The following ONECUT1 variants were observed in gnomAD, a reference collection of about 807,000 sequenced individuals.
ONECUT1 encodes the protein one cut homeobox 1, also known as hepatocyte nuclear factor 6.
In ONECUT1, 12 loss-of-function variants were observed where a neutral mutation model predicts 25.6. The ratio of observed to expected loss-of-function variants is 0.47; its 90% confidence interval spans 0.30 to 0.76. The LOEUF is 0.76. Ranked by LOEUF, ONECUT1 falls within the 30% of genes least tolerant of loss-of-function variation. The probability of loss-of-function intolerance (pLI) is 0.07; values close to 1 mark genes in which losing one functional copy is unlikely to be tolerated. For synonymous variants in ONECUT1, 285 were observed against 270.2 expected, an observed-to-expected ratio of 1.05 and a Z score of -0.54; for missense variants, 620 against 651.2, an observed-to-expected ratio of 0.95 and a Z score of 0.52.
intron 1 of ONECUT1, among the ~76,000 whole-genome samples, chr15:52,782,118 G>C (rs1343591895): frequency 6.6e-6 from 1 of 152,150 alleles, no homozygotes; most frequent in Non-Finnish European, 1.5e-5. Flanking sequence ...CATGTGCCGT[G>C]GTGGTTTGCT....
chr15:52,787,377 T>C (rs1475011011), intron 1 of ONECUT1, among the ~76,000 whole-genome samples: 2 of 151,964 alleles, frequency 1.3e-5, no homozygotes, highest in African/African-American at 4.8e-5. Flanking sequence ...AATCGCAGGC[T>C]GGTCGGCACC....
intron 1 of ONECUT1, among the ~76,000 whole-genome samples, chr15:52,787,395 C>A (rs1471294526): frequency 6.6e-6 from 1 of 152,092 alleles, no homozygotes; most frequent in African/African-American, 2.4e-5. Context: ...ACCTGCCACC[C>A]CCAGCTTCTC....
chr15:52,781,739 C>A (rs1033454383), intron 1 of ONECUT1, among the ~76,000 whole-genome samples: 2 of 152,220 alleles, frequency 1.3e-5, no homozygotes, highest in East Asian at 3.8e-4. Flanking sequence ...GCCCATGTCA[C>A]GTCCTGTACC....
rs542471164 is a variant in ONECUT1 at position 52,788,472 on chromosome 15, G to A, written c.1105+308C>T. 5.4e-6 allele frequency: 2 copies of A among 368,904 alleles called. No individual in the cohort carries two copies. The highest frequency in any genetic ancestry group is 4.0e-5 in the African/African-American group (2 of 49,970). The allele number at this position is 368,904 out of a possible 1,614,324, so 22.9% of individuals were successfully genotyped here. ...CGCAGAGTGTCTCACCAGGTGCGGGGATTTCTCTCCGCCTCAGGCCGTACG... is the reference window on the plus strand; with the variant it reads ...CGCAGAGTGTCTCACCAGGTGCGGGAATTTCTCTCCGCCTCAGGCCGTACG... On this transcript the variant is annotated intron_variant, in intron 1 of 1. Coordinates refer to ENST00000305901, the MANE Select transcript of ONECUT1 (RefSeq NM_004498.4). The surrounding 1 kb of genome is among the most constrained non-coding windows in gnomAD (Gnocchi z 4.3).
chr15:52,788,411 C>A lies in ONECUT1; in HGVS notation c.1105+369G>T. The stretch of plus-strand genomic sequence containing the variant: ...GCGATTCCACGCACGCGTTGCATCC[C>A]TCTTCCCAAACCCGGATCGCTGAAC... On this transcript the variant is annotated intron_variant, in intron 1 of 1. Coordinates refer to ENST00000305901, the MANE Select transcript of ONECUT1 (RefSeq NM_004498.4). The surrounding 1 kb of genome is among the most constrained non-coding windows in gnomAD (Gnocchi z 4.3). The A allele has an allele frequency of 4.5e-6, 1 of 223,494 alleles. No homozygotes were observed. The allele number at this position is 223,494 out of a possible 1,614,324, so 13.8% of individuals were successfully genotyped here. A position where few individuals can be genotyped will look rare whatever the true frequency, so the allele number is the denominator to read the frequency against.
At position 52,788,030 on chromosome 15, in the gene ONECUT1, A is replaced by T. The variant is rs2083888302; in HGVS notation, c.1105+750T>A. The T allele has an allele frequency of 6.6e-6, 1 of 152,166 alleles. No homozygotes were observed. The highest frequency in any genetic ancestry group is 2.1e-4 in the South Asian group (1 of 4,824). The allele number at this position is 152,166 out of a possible 1,614,324, so 9.4% of individuals were successfully genotyped here. A position where few individuals can be genotyped will look rare whatever the true frequency, so the allele number is the denominator to read the frequency against. ...CGAAAATCGCGAAGAGGAATAATAAAACAAAATGCAAAGTCCTCAGGGAGT... is the reference window on the plus strand; with the variant it reads ...CGAAAATCGCGAAGAGGAATAATAATACAAAATGCAAAGTCCTCAGGGAGT... On this transcript the variant is annotated intron_variant, in intron 1 of 1. Transcript: ENST00000305901. The surrounding 1 kb of genome is among the most constrained non-coding windows in gnomAD (Gnocchi z 4.3).
Position 52,789,819 on chromosome 15 carries a change from G to A in ONECUT1, c.66C>T (p.Pro22=). Residue 22 remains proline (P), a synonymous_variant, in exon 1 of 2, where the codon CCC becomes CCT. Transcript: ENST00000305901. The surrounding 1 kb of genome is among the most constrained non-coding windows in gnomAD (Gnocchi z 4.1). The stretch of plus-strand genomic sequence containing the variant: ...TGCCGCCCAGCAGGTCGGCAGGGGC[G>A]GGCACCGGCTCATGGCTCACCCCGT... The part of the protein sequence containing the change: ...ELHGVSHEPV[P]APADLLGGSP... 2.6e-6 allele frequency: 4 copies of A among 1,527,918 alleles called. No individual in the cohort carries two copies. Among genetic ancestry groups the A allele is most frequent in the East Asian group, 2.7e-5 (1 of 37,138 alleles). 94.6% of individuals were successfully genotyped at this position (1,527,918 alleles called of 1,614,324 possible). A position where few individuals can be genotyped will look rare whatever the true frequency, so the allele number is the denominator to read the frequency against.
intron 1 of ONECUT1, among the ~76,000 whole-genome samples, chr15:52,777,737 C>CACACACAAAAAA (rs57187579): frequency 3.5e-4 from 36 of 103,450 alleles, no homozygotes; most frequent in African/African-American, 1.2e-3. Flanking sequence ...CACACACACA[C>CACACACAAAAAA]AAAAAAACAT....
rs2083671007 is a variant in ONECUT1, at chr15:52,755,739, G to C, written c.*1816C>G. 6.6e-6 allele frequency among the ~76,000 whole-genome samples: 1 copy of C among 152,156 alleles called. No homozygotes were observed. Among genetic ancestry groups the C allele is most frequent in the Non-Finnish European group, 1.5e-5 (1 of 68,034 alleles). On this transcript the variant is annotated 3_prime_UTR_variant, in exon 2 of 2. Coordinates refer to ENST00000305901, the MANE Select transcript of ONECUT1 (RefSeq NM_004498.4). ...ACATTTAATTTCATAGTTCTAAGTA[G>C]GGGTGGTAATTAACTTACAGTATCC...
intron 1 of ONECUT1, among the ~76,000 whole-genome samples, chr15:52,779,120 G>C (rs192911665): frequency 6.6e-6 from 1 of 151,710 alleles, no homozygotes; most frequent in East Asian, 1.9e-4. Flanking sequence ...GAGTCTCGCT[G>C]TCGCCCAGGC....
At chr15:52,762,066 T>G (rs1036450361) in intron 1 of ONECUT1, among the ~76,000 whole-genome samples, 4 of 152,144 alleles carry the variant, frequency 2.6e-5, no homozygotes, top group African/African-American at 9.7e-5. Flanking sequence ...CACAGAACAC[T>G]CACTCATGGG....
chr15:52,769,203 T>G (rs2083751936), intron 1 of ONECUT1, among the ~76,000 whole-genome samples: 1 of 152,214 alleles, frequency 6.6e-6, no homozygotes, highest in Non-Finnish European at 1.5e-5. Context: ...TTGTCTTTTG[T>G]GCCCACAGAG....
rs1555416123 is a variant in ONECUT1, at chr15:52,777,738, A to ACACAC, written c.1105+11041_1105+11042insGTGTG. Among the ~76,000 whole-genome samples, 341 of 96,996 alleles carry ACACAC rather than the reference A, an allele frequency of 3.5e-3. 4 individuals carry two copies. Among genetic ancestry groups the ACACAC allele is most frequent in the African/African-American group, 0.019 (261 of 13,400 alleles). The allele number at this position is 96,996 out of a possible 152,430, so 63.6% of individuals were successfully genotyped here. On this transcript the variant is annotated intron_variant, in intron 1 of 1. Coordinates refer to ENST00000305901, the MANE Select transcript of ONECUT1 (RefSeq NM_004498.4). ...CACACACACACACACACACACACAC[A>ACACAC]AAAAAACATGTAAAGTTATTTGTTC... is the stretch of plus-strand genomic sequence containing the variant.
chr15:52,775,081 T>C (rs1432264129), intron 1 of ONECUT1, among the ~76,000 whole-genome samples: 1 of 151,786 alleles, frequency 6.6e-6, no homozygotes, highest in Non-Finnish European at 1.5e-5. Context: ...TCCCAGCTAC[T>C]CGGGAGGCTG....
chr15:52,776,485 A>T (rs16965167), intron 1 of ONECUT1, among the ~76,000 whole-genome samples: 1,814 of 152,172 alleles, frequency 0.012, 33 homozygotes, highest in African/African-American at 0.042. Flanking sequence ...ATCTATTGCC[A>T]CTTCTAGCTA....
chr15:52,786,505 GC>G (rs2083875704), intron 1 of ONECUT1, among the ~76,000 whole-genome samples: 1 of 152,258 alleles, frequency 6.6e-6, no homozygotes, highest in African/African-American at 2.4e-5. Flanking sequence ...TGGGCCTAGG[GC>G]CGAGGGCTGC....
intron 1 of ONECUT1, among the ~76,000 whole-genome samples, chr15:52,768,101 A>G (rs1446464420): frequency 6.6e-6 from 1 of 152,114 alleles, no homozygotes; most frequent in Non-Finnish European, 1.5e-5. Context: ...AATTAGATAG[A>G]ATGCATAAGA....
chr15:52,767,614 GAAGA>G (rs1443877140), intron 1 of ONECUT1, among the ~76,000 whole-genome samples: 2 of 152,326 alleles, frequency 1.3e-5, no homozygotes, highest in African/African-American at 4.8e-5. Context: ...GAACTGGTGG[GAAGA>G]GAGAAGCTGC....
At position 52,790,017 on chromosome 15, in the gene ONECUT1, GTCTC is replaced by G. The variant is rs112104300; in HGVS notation, c.-137_-134del. ...TTCCTTCCTCTCACTGTGGGGCTCT[GTCTC>G]TCTCTCTCTCTCTCTCCGTGTGTGT... On this transcript the variant is annotated 5_prime_UTR_variant, in exon 1 of 2. Coordinates refer to ENST00000305901, the MANE Select transcript of ONECUT1 (RefSeq NM_004498.4). 2,141 of 1,188,660 alleles carry G rather than the reference GTCTC, an allele frequency of 1.8e-3. 1 individual carries two copies. Among genetic ancestry groups the G allele is most frequent in the South Asian group, 4.6e-3 (214 of 47,022 alleles). 73.6% of individuals were successfully genotyped at this position (1,188,660 alleles called of 1,614,324 possible). A position where few individuals can be genotyped will look rare whatever the true frequency, so the allele number is the denominator to read the frequency against.
Sources: gnomAD v4.1 joint callset for allele counts (sites outside exome capture counted in the v4.1 genomes callset) on GRCh38, gnomAD v4.1.1 for gene constraint, Gnocchi (gnomAD v3.1) non-coding constraint, MANE v1.5 for transcripts, NCBI Gene and HGNC (gene_info 2026-07-23, HGNC 2026-07-21) for gene names.